MYOT: variants seen among roughly 807,000 people sequenced by gnomAD.
MYOT encodes the protein myotilin.
Under a neutral mutation model 58.0 loss-of-function variants are expected in MYOT, and 36 were observed. The ratio of observed to expected loss-of-function variants is 0.62; its 90% CI spans 0.48 to 0.82. The LOEUF (loss-of-function observed/expected upper bound fraction) is 0.82, where lower values mean the gene tolerates loss of function less well. MYOT is among the 40% of genes least tolerant of loss of function. The pLI is 0.00. For missense variants in MYOT, 505 were observed against 592.1 expected (o/e 0.85, Z 1.53); for synonymous variants, 218 against 204.6 (o/e 1.07, Z -0.56).
chr5:137,883,081 C>T (rs1755486507), intron 6 of MYOT: 12 of 346,170 alleles, frequency 3.5e-5, no homozygotes, highest in South Asian at 1.9e-4. Context: ...TTCTATATTC[C>T]TTATGGAAAC....
chr5:137,886,076 T>A lies in MYOT; in HGVS notation c.1053T>A (p.Phe351Leu). The A allele has an allele frequency of 6.2e-7, 1 of 1,604,278 alleles. No individual in the cohort carries two copies. The highest frequency in any genetic ancestry group is 1.1e-5 in the South Asian group (1 of 90,614). Reference protein sequence around the residue: ...LAKEHKRAPMFIYKPQSKKVL... With the variant: ...LAKEHKRAPMLIYKPQSKKVL... ...AAGAACATAAAAGAGCACCAATGTT[T>A]ATCTACAAACCACAGAGCAAAAAAG... The change falls in exon 8 of 10, where the codon TTT becomes TTA. Residue 351 changes from phenylalanine (F) to leucine (L), a missense_variant. By Grantham distance (22) the Phe-to-Leu change is conservative. Transcript: ENST00000239926.
rs150068151 is a variant in MYOT at position 137,882,569 on chromosome 5, C to A, written c.816+464C>A. Among the ~76,000 whole-genome samples, 56 of 152,208 alleles carry A rather than the reference C, an allele frequency of 3.7e-4. 1 individual carries two copies. In the East Asian group the frequency reaches 9.9e-3, roughly 27 times the overall value. On this transcript the variant is annotated intron_variant, in intron 6 of 9. Transcript: ENST00000239926. ...TCAAGCCATCATCCCAACTCAGCCT[C>A]CCTAGTAGCTGAAACTACAGACGCG... is the stretch of plus-strand genomic sequence containing the variant.
chr5:137,878,488 C>T (rs1755305945), intron 4 of MYOT, among the ~76,000 whole-genome samples: 1 of 152,030 alleles, frequency 6.6e-6, no homozygotes, highest in Non-Finnish European at 1.5e-5. Context: ...CCACGCCTGG[C>T]CTCAACTTGA....
chr5:137,872,720 G>A (rs1225033700), intron 2 of MYOT, among the ~76,000 whole-genome samples: 2 of 152,124 alleles, frequency 1.3e-5, no homozygotes, highest in Non-Finnish European at 1.5e-5. Context: ...TTCTGACCTA[G>A]AGAAATTTGA....
At chr5:137,873,417 C>T (rs1755111234) in intron 2 of MYOT, among the ~76,000 whole-genome samples, 2 of 151,668 alleles carry the variant, frequency 1.3e-5, no homozygotes, top group Admixed American at 1.3e-4. Context: ...ACCTATAATC[C>T]CAGCTACCTG....
chr5:137,877,140 G>A (rs1245030400), intron 3 of MYOT, among the ~76,000 whole-genome samples: 1 of 151,414 alleles, frequency 6.6e-6, no homozygotes, highest in Non-Finnish European at 1.5e-5. Context: ...AGGCCGAGGC[G>A]GGTGGATCAC....
At chr5:137,874,640 C>A (rs941935271) in intron 2 of MYOT, among the ~76,000 whole-genome samples, 36 of 152,036 alleles carry the variant, frequency 2.4e-4, no homozygotes, top group Non-Finnish European at 4.4e-5. Flanking sequence ...AAGGGAAATA[C>A]GGGAGGGGCA....
intron 9 of MYOT, 57 bp downstream of exon 9, chr5:137,887,054 A>G (rs1391945973): frequency 5.7e-6 from 9 of 1,576,134 alleles, no homozygotes; most frequent in Non-Finnish European, 6.1e-6. Context: ...AGATTTAATA[A>G]GAAATGAAAA....
chr5:137,879,437 G>C (rs1372764059), intron 4 of MYOT, among the ~76,000 whole-genome samples: 1 of 149,570 alleles, frequency 6.7e-6, no homozygotes, highest in African/African-American at 2.5e-5. Flanking sequence ...TGGTATGGAA[G>C]ATTATAGCAA....
At chr5:137,880,423 C>A (rs757228674) in intron 4 of MYOT, among the ~76,000 whole-genome samples, 33 of 152,302 alleles carry the variant, frequency 2.2e-4, no homozygotes, top group Non-Finnish European at 4.1e-4. Flanking sequence ...TAATACCCTG[C>A]AGCTACTGCC....
At chr5:137,879,792 T>G (rs958401027) in intron 4 of MYOT, among the ~76,000 whole-genome samples, 1 of 149,860 alleles carries the variant, frequency 6.7e-6, no homozygotes, top group Admixed American at 6.7e-5. Flanking sequence ...TGCCTCGGCC[T>G]CCCAAAGTGC....
chr5:137,885,991 G>C, intron 7 of MYOT, 57 bp from the exon 8 acceptor site: 5 of 1,218,650 alleles, frequency 4.1e-6, no homozygotes, highest in Non-Finnish European at 5.8e-6. Flanking sequence ...ACCTTGGTTT[G>C]ATTTAATACC....
chr5:137,886,641 G>T, intron 8 of MYOT: 1 of 594,700 alleles, frequency 1.7e-6, no homozygotes, highest in Admixed American at 2.7e-5. Context: ...AGACACACCC[G>T]AGTGAATGAC....
In MYOT at chr5:137,870,904, G is replaced by T; in HGVS notation, c.253G>T (p.Val85Phe). Reference sequence around the variant, plus strand: ...TGCTGGCTCCAACCCAGGCCAAAGGGTTACAACCACCTATAACCAGTCCCC... The same window carrying T: ...TGCTGGCTCCAACCCAGGCCAAAGGTTTACAACCACCTATAACCAGTCCCC... The part of the protein sequence containing the change: ...QHAGSNPGQR[V>F]TTTYNQSPAS... Residue 85 changes from valine to phenylalanine, a missense_variant, in exon 2 of 10, where the codon GTT becomes TTT. Val to Phe is a conservative substitution (Grantham distance 50, BLOSUM62 -1). Transcript: ENST00000239926. 1.2e-6 allele frequency: 2 copies of T among 1,614,142 alleles called. No individual in the cohort carries two copies. The highest frequency in any genetic ancestry group is 1.7e-6 in the Non-Finnish European group (2 of 1,180,036).
In MYOT at chr5:137,870,707, C is replaced by A. The variant is rs1010330163; in HGVS notation, c.56C>A (p.Ser19Tyr). Residue 19 changes from serine (S) to tyrosine (Y), a missense_variant, in exon 2 of 10, where the codon TCC becomes TAC. By Grantham distance (144) the Ser-to-Tyr change is moderately radical. Coordinates refer to ENST00000239926, the MANE Select transcript of MYOT (RefSeq NM_006790.3). ...ATCCAGTCCCAAAACCCATGTGGCT[C>A]CAGATTGCAGCCTCCTGGACCAGAA... ...HFIQSQNPCGSRLQPPGPETS... is the reference protein window; with the variant it reads ...HFIQSQNPCGYRLQPPGPETS... 6.2e-7 allele frequency: 1 copy of A among 1,614,222 alleles called. No individual in the cohort carries two copies. The highest frequency in any genetic ancestry group is 8.5e-7 in the Non-Finnish European group (1 of 1,180,044).
chr5:137,879,334 A>G lies in MYOT; in HGVS notation c.634-1482A>G, dbSNP rs138505017. Among the ~76,000 whole-genome samples the G allele has an allele frequency of 3.8e-3, 579 of 152,152 alleles. 4 individuals carry two copies. Among genetic ancestry groups the G allele is most frequent in the African/African-American group, 0.013 (554 of 41,478 alleles). ...GCAAGAACTAGAAACTGAAAAGAGA[A>G]CTTAAATTTATTTTTGGCTACTAAA... On this transcript the variant is annotated intron_variant, in intron 4 of 9. Coordinates refer to ENST00000239926, the MANE Select transcript of MYOT (RefSeq NM_006790.3).
chr5:137,874,538 C>T (rs1388236420), intron 2 of MYOT, among the ~76,000 whole-genome samples: 23 of 152,126 alleles, frequency 1.5e-4, no homozygotes, highest in Admixed American at 1.4e-3. Flanking sequence ...TAGGTAAAAA[C>T]TGAATAAAGC....
chr5:137,874,526 A>G (rs974551296), intron 2 of MYOT, among the ~76,000 whole-genome samples: 5 of 152,206 alleles, frequency 3.3e-5, no homozygotes, highest in Non-Finnish European at 5.9e-5. Context: ...GAATGGATAA[A>G]CTAGGTAAAA....
Position 137,887,789 on chromosome 5 carries a change from G to A in MYOT, c.*404G>A, listed in dbSNP as rs188240755. ...CTTGTAGGAATACTAACATGGTATA[G>A]ATTATCTGAGTGTTCCACAGTTGTA... On this transcript the variant is annotated 3_prime_UTR_variant, in exon 10 of 10. Transcript: ENST00000239926. 123 of 157,362 alleles carry A rather than the reference G, an allele frequency of 7.8e-4. 1 individual carries two copies. In the South Asian group the frequency reaches 8.5e-3, roughly 11 times the overall value. The allele number at this position is 157,362 out of a possible 1,614,324, so 9.7% of individuals were successfully genotyped here.
Sources: gnomAD v4.1 joint callset for allele counts (sites outside exome capture counted in the v4.1 genomes callset) on GRCh38, gnomAD v4.1.1 for gene constraint, MANE v1.5 for transcripts, NCBI Gene and HGNC (gene_info 2026-07-23, HGNC 2026-07-21) for gene names.